EML6: variants seen among roughly 807,000 people sequenced by gnomAD.
The protein encoded by EML6 is echinoderm microtubule-associated protein-like 6.
A neutral mutation model predicts 240.1 loss-of-function variants in EML6; 154 were observed. The observed-to-expected ratio is 0.64, with a 90% CI of 0.56 to 0.73. EML6 has a LOEUF of 0.73. Ranked by LOEUF, EML6 falls within the 30% of genes least tolerant of loss-of-function variation. The probability of loss-of-function intolerance (pLI) is 0.00; values close to 1 mark genes in which losing one functional copy is unlikely to be tolerated. For missense variants in EML6, 2,964 were observed against 2,474.6 expected (o/e 1.20, Z -4.20); for synonymous variants, 1,148 against 899.0 (o/e 1.28, Z -4.95).
Position 54,952,720 on chromosome 2 carries a change from C to T in EML6, c.4312+28C>T, listed in dbSNP as rs574646494. ...AGGAGGTCCTGTGGCAGCTGAGGCT[C>T]TCCCAGCTTGCAGGGACGCTGACCT... is the stretch of plus-strand genomic sequence containing the variant. On this transcript the variant is annotated intron_variant, in intron 31 of 41. Coordinates refer to ENST00000356458, the MANE Select transcript of EML6 (RefSeq NM_001039753.4). 5.4e-6 allele frequency: 8 copies of T among 1,480,894 alleles called. No individual in the cohort carries two copies. The African/African-American group carries it at 1.1e-4, about 21-fold the overall frequency. 91.7% of individuals were successfully genotyped at this position (1,480,894 alleles called of 1,614,324 possible). A position where few individuals can be genotyped will look rare whatever the true frequency, so the allele number is the denominator to read the frequency against.
intron 25 of EML6, among the ~76,000 whole-genome samples, chr2:54,912,036 G>C (rs559502875): frequency 5.3e-4 from 81 of 152,356 alleles, no homozygotes; most frequent in African/African-American, 1.8e-3. Context: ...ATGCCACTGA[G>C]TGGCAGGCAT....
At chr2:54,732,579 GC>G (rs1248751875) in intron 2 of EML6, among the ~76,000 whole-genome samples, 1 of 152,134 alleles carries the variant, frequency 6.6e-6, no homozygotes, top group Non-Finnish European at 1.5e-5. Context: ...TATCTTAGAT[GC>G]CCACAGCCTT....
intron 29 of EML6, 38 bp from the exon 30 acceptor site, chr2:54,950,612 C>G: frequency 1.3e-6 from 2 of 1,548,774 alleles, no homozygotes; most frequent in Non-Finnish European, 1.7e-6. Context: ...TCCCTTCCTT[C>G]CTCTGAGGGT....
intron 2 of EML6, among the ~76,000 whole-genome samples, chr2:54,735,977 G>A (rs1683372435): frequency 1.3e-5 from 2 of 152,244 alleles, no homozygotes; most frequent in Admixed American, 1.3e-4. Flanking sequence ...GCAGGGAGGT[G>A]GAAAAAGAAT....
rs971269357 is a variant in EML6, at chr2:54,774,602, CAT to C, written c.198-38628_198-38627del. ...GTTGTAAGGATCAAATAAAATAAAACATAGAGGTCCTTTTGCAAGAGGACCTG... is the reference window on the plus strand; with the variant it reads ...GTTGTAAGGATCAAATAAAATAAAACAGAGGTCCTTTTGCAAGAGGACCTG... On this transcript the variant is annotated intron_variant, in intron 2 of 41. Transcript: ENST00000356458. The surrounding 1 kb of genome is among the most constrained non-coding windows in gnomAD (Gnocchi z 4.1). Among the ~76,000 whole-genome samples, 2 of 152,194 alleles carry C rather than the reference CAT, an allele frequency of 1.3e-5. No homozygotes were observed. Among genetic ancestry groups the C allele is most frequent in the African/African-American group, 2.4e-5 (1 of 41,452 alleles).
At chr2:54,842,875 A>T (rs1351741951) in intron 7 of EML6, among the ~76,000 whole-genome samples, 3 of 152,180 alleles carry the variant, frequency 2.0e-5, no homozygotes, top group African/African-American at 7.2e-5. Flanking sequence ...AGATTCCATA[A>T]ATTAAGTCGG....
intron 2 of EML6, among the ~76,000 whole-genome samples, chr2:54,787,946 T>C (rs1669177655): frequency 1.3e-5 from 2 of 152,230 alleles, no homozygotes; most frequent in South Asian, 4.2e-4. Flanking sequence ...ACCTGTGCGG[T>C]GGTTTCTGCT....
chr2:54,805,959 A>G (rs139477254), intron 2 of EML6, among the ~76,000 whole-genome samples: 342 of 152,308 alleles, frequency 2.2e-3, no homozygotes, highest in African/African-American at 7.9e-3. Flanking sequence ...AGTTGATCAT[A>G]TAAATGTGGG....
chr2:54,947,388 C>T (rs541154000), intron 28 of EML6, among the ~76,000 whole-genome samples: 1 of 152,120 alleles, frequency 6.6e-6, no homozygotes, highest in Non-Finnish European at 1.5e-5. Context: ...TCTACCCATT[C>T]TTCAGTGGTG....
intron 2 of EML6, among the ~76,000 whole-genome samples, chr2:54,789,541 A>AAAAAAAAG (rs1669307603): frequency 7.0e-6 from 1 of 143,360 alleles, no homozygotes; most frequent in Non-Finnish European, 1.5e-5. Flanking sequence ...AAAAAAAAAA[A>AAAAAAAAG]AAAAAAAGAA....
At chr2:54,897,610 A>G (rs6746577) in intron 21 of EML6, among the ~76,000 whole-genome samples, 55,667 of 151,860 alleles carry the variant, frequency 0.37, 10,509 homozygotes, top group Middle Eastern at 0.47. Context: ...CCCCTGAGCT[A>G]TGGGGTGGCT....
intron 34 of EML6, among the ~76,000 whole-genome samples, chr2:54,959,589 C>T (rs573149022): frequency 2.0e-5 from 3 of 152,030 alleles, no homozygotes; most frequent in Non-Finnish European, 4.4e-5. Flanking sequence ...TGGTGAAACC[C>T]TGACTCTACT....
At chr2:54,936,619 C>T (rs1380538722) in intron 28 of EML6, among the ~76,000 whole-genome samples, 1 of 152,086 alleles carries the variant, frequency 6.6e-6, no homozygotes, top group Non-Finnish European at 1.5e-5. Context: ...GGATTGTTTT[C>T]TCAATGCACC....
At chr2:54,821,815 T>C (rs1668348762) in intron 5 of EML6, among the ~76,000 whole-genome samples, 1 of 152,018 alleles carries the variant, frequency 6.6e-6, no homozygotes, top group Non-Finnish European at 1.5e-5. Context: ...TAAAACAAAG[T>C]CTATATGAAT....
intron 28 of EML6, among the ~76,000 whole-genome samples, chr2:54,948,483 C>G (rs547381132): frequency 1.3e-5 from 2 of 152,192 alleles, no homozygotes; most frequent in African/African-American, 4.8e-5. Context: ...ATGAGCACAT[C>G]CCTGTCTGAA....
chr2:54,824,680 G>A (rs574279022), intron 5 of EML6, among the ~76,000 whole-genome samples: 8 of 152,050 alleles, frequency 5.3e-5, no homozygotes, highest in African/African-American at 4.8e-5. Flanking sequence ...GTTGAGCATC[G>A]GCTGCTTCAC....
intron 28 of EML6, among the ~76,000 whole-genome samples, chr2:54,940,779 T>C (rs1357180824): frequency 6.6e-6 from 1 of 152,228 alleles, no homozygotes; most frequent in Non-Finnish European, 1.5e-5. Flanking sequence ...GCCCTGGGAC[T>C]GCACTTGGCA....
chr2:54,862,341 A>T (rs1189573678), intron 12 of EML6, among the ~76,000 whole-genome samples: 13 of 95,206 alleles, frequency 1.4e-4, no homozygotes, highest in African/African-American at 6.9e-4. Flanking sequence ...CCATCTCTAA[A>T]AAAAAAAAAA....
chr2:54,793,039 A>G (rs995900354), intron 2 of EML6, among the ~76,000 whole-genome samples: 5 of 152,336 alleles, frequency 3.3e-5, no homozygotes, highest in African/African-American at 1.2e-4. Flanking sequence ...AGGCTGAGGC[A>G]GGCAGATTGC....
Sources: gnomAD v4.1 joint callset for allele counts (sites outside exome capture counted in the v4.1 genomes callset) on GRCh38, gnomAD v4.1.1 for gene constraint, Gnocchi (gnomAD v3.1) non-coding constraint, MANE v1.5 for transcripts, NCBI Gene and HGNC (gene_info 2026-07-23, HGNC 2026-07-21) for gene names.